Variants in CTNNA1 observed in about 807,000 individuals in gnomAD.
CTNNA1 encodes the protein catenin alpha 1.
In CTNNA1, 37 loss-of-function variants were observed where a neutral mutation model predicts 98.4. The ratio of observed to expected loss-of-function variants is 0.38; its 90% CI spans 0.29 to 0.49. The LOEUF (loss-of-function observed/expected upper bound fraction) is 0.49. CTNNA1 is among the 20% of genes least tolerant of loss of function. The pLI, the probability that CTNNA1 is intolerant of heterozygous loss-of-function variation, is 0.95. For synonymous variants in CTNNA1, 404 were observed against 413.2 expected (o/e 0.98, Z 0.27); for missense variants, 761 against 1,147.2 (o/e 0.66, Z 4.86).
chr5:138,887,301 T>C (rs1030651981), intron 8 of CTNNA1, among the ~76,000 whole-genome samples, 189 bp from the exon 9 acceptor site: 1 of 152,116 alleles, frequency 6.6e-6, no homozygotes, highest in African/African-American at 2.4e-5. Context: ...ATGTAAACCA[T>C]TGTCTCCATG....
In CTNNA1 at chr5:138,874,272, T is replaced by G. The variant is rs758194786; in HGVS notation, c.1063-11940T>G. ...AAAGCATCTTCTTTTACTGTTGAAATTTGATTGTGATCTAAGTGGAGCCAA... is the reference window on the plus strand; with the variant it reads ...AAAGCATCTTCTTTTACTGTTGAAAGTTGATTGTGATCTAAGTGGAGCCAA... On this transcript the variant is annotated intron_variant, in intron 7 of 17. Coordinates refer to ENST00000302763, the MANE Select transcript of CTNNA1 (RefSeq NM_001903.5). This position sits in a 1 kb window ranked among gnomAD's most constrained non-coding sequence, Gnocchi z 4.1. 105 of 1,613,928 alleles carry G rather than the reference T, an allele frequency of 6.5e-5. No individual in the cohort carries two copies. Among genetic ancestry groups the G allele is most frequent in the Non-Finnish European group, 8.7e-5 (103 of 1,179,910 alleles).
chr5:138,879,627 A>G (rs1381491026), intron 7 of CTNNA1, among the ~76,000 whole-genome samples: 3 of 152,090 alleles, frequency 2.0e-5, no homozygotes, highest in Admixed American at 1.3e-4. Context: ...GCTAATTAAA[A>G]AAATTTTTTT....
chr5:138,778,350 A>C (rs1168932522), intron 1 of CTNNA1, among the ~76,000 whole-genome samples: 3 of 152,072 alleles, frequency 2.0e-5, no homozygotes, highest in Non-Finnish European at 2.9e-5. Flanking sequence ...TCACGCTTTG[A>C]ATTTGATGTT....
chr5:138,814,313 A>G (rs922903460), intron 5 of CTNNA1, among the ~76,000 whole-genome samples: 22 of 151,600 alleles, frequency 1.5e-4, no homozygotes, highest in Non-Finnish European at 2.2e-4. Context: ...CAATGGTGCA[A>G]TCTCGGCTCA....
chr5:138,835,216 C>G, intron 7 of CTNNA1, among the ~76,000 whole-genome samples: 1 of 152,164 alleles, frequency 6.6e-6, no homozygotes, highest in East Asian at 1.9e-4. Flanking sequence ...TGTATACATG[C>G]AGGTGACAGG....
At chr5:138,813,181 A>T (rs1291164719) in intron 5 of CTNNA1, among the ~76,000 whole-genome samples, 2 of 152,118 alleles carry the variant, frequency 1.3e-5, no homozygotes, top group East Asian at 3.8e-4. Flanking sequence ...ATCATCAAGG[A>T]TCCAGGTTCT....
At chr5:138,794,460 A>G (rs928985558) in intron 3 of CTNNA1, among the ~76,000 whole-genome samples, 1 of 152,228 alleles carries the variant, frequency 6.6e-6, no homozygotes, top group East Asian at 1.9e-4. Context: ...GATATCATCT[A>G]GGGGTCTGTT....
intron 1 of CTNNA1, among the ~76,000 whole-genome samples, chr5:138,770,876 C>T (rs538603664): frequency 2.0e-4 from 31 of 151,304 alleles, no homozygotes; most frequent in Admixed American, 1.3e-3. Context: ...GGCGTGAACC[C>T]GGGAGGCAGG....
chr5:138,781,776 GTCTTCATGTGTAGGCT>G, intron 1 of CTNNA1, 131 bp from the exon 2 acceptor site: 1 of 619,794 alleles, frequency 1.6e-6, no homozygotes, highest in Non-Finnish European at 2.7e-6. Flanking sequence ...GGTTTACTGG[GTCTTCATGTGTAGGCT>G]AGTTAGAATT....
chr5:138,771,775 C>T (rs1049486463), intron 1 of CTNNA1, among the ~76,000 whole-genome samples: 2 of 152,222 alleles, frequency 1.3e-5, no homozygotes, highest in African/African-American at 2.4e-5. Flanking sequence ...CAGATGCAAG[C>T]TGGCATACCT....
intron 3 of CTNNA1, among the ~76,000 whole-genome samples, chr5:138,796,679 A>C (rs982386610): frequency 6.6e-6 from 1 of 152,202 alleles, no homozygotes; most frequent in Non-Finnish European, 1.5e-5. Flanking sequence ...GGAGAGTTGG[A>C]ATTCCAAGTA....
At chr5:138,848,611 A>G (rs1417224740) in intron 7 of CTNNA1, among the ~76,000 whole-genome samples, 1 of 152,208 alleles carries the variant, frequency 6.6e-6, no homozygotes, top group Admixed American at 6.5e-5. Flanking sequence ...ACTGTGCTGC[A>G]TAGCTTATTT....
intron 11 of CTNNA1, among the ~76,000 whole-genome samples, chr5:138,918,857 CG>C (rs1261930934): frequency 3.3e-5 from 5 of 152,298 alleles, no homozygotes; most frequent in African/African-American, 1.2e-4. Context: ...CAGGGAACCA[CG>C]GGCTAGAACG....
At chr5:138,792,484 G>A (rs1036398838) in intron 3 of CTNNA1, among the ~76,000 whole-genome samples, 4 of 152,210 alleles carry the variant, frequency 2.6e-5, no homozygotes, top group African/African-American at 9.6e-5. Context: ...GACAAAGCAC[G>A]TATCAGTGAC....
chr5:138,899,949 T>C (rs770375344), intron 9 of CTNNA1, among the ~76,000 whole-genome samples: 2 of 152,230 alleles, frequency 1.3e-5, no homozygotes, highest in African/African-American at 2.4e-5. Flanking sequence ...CTATTATCCA[T>C]GCATACTTCA....
chr5:138,850,964 GC>G (rs1206500127), intron 7 of CTNNA1, among the ~76,000 whole-genome samples: 1 of 152,190 alleles, frequency 6.6e-6, no homozygotes, highest in Non-Finnish European at 1.5e-5. Context: ...GGAATATTGA[GC>G]ATTACCTTAA....
intron 7 of CTNNA1, among the ~76,000 whole-genome samples, chr5:138,843,482 C>T (rs62381198): frequency 0.017 from 2,516 of 152,318 alleles, 25 homozygotes; most frequent in Non-Finnish European, 0.025. Flanking sequence ...CCACTCAGTC[C>T]TCTTCTCACT....
chr5:138,826,622 C>G (rs1760745023), intron 6 of CTNNA1, among the ~76,000 whole-genome samples: 1 of 152,108 alleles, frequency 6.6e-6, no homozygotes, highest in South Asian at 2.1e-4. Flanking sequence ...TTACAGAATA[C>G]TAGAGGTCTT....
intron 10 of CTNNA1, chr5:138,904,806 A>G (rs987311932): frequency 3.4e-4 from 55 of 163,892 alleles, no homozygotes; most frequent in East Asian, 3.2e-3. Flanking sequence ...AAAAAAATAC[A>G]TATTTTGGCC....
Sources: gnomAD v4.1 joint callset for allele counts (sites outside exome capture counted in the v4.1 genomes callset) on GRCh38, gnomAD v4.1.1 for gene constraint, Gnocchi (gnomAD v3.1) non-coding constraint, MANE v1.5 for transcripts, NCBI Gene and HGNC (gene_info 2026-07-23, HGNC 2026-07-21) for gene names.